Variants in ITSN2 observed in about 807,000 individuals in gnomAD.
ITSN2 encodes intersectin-2.
ITSN2 carries 156 observed loss-of-function variants against 243.7 expected under a neutral mutation model. The observed-to-expected ratio is 0.64, with a 90% confidence interval of 0.56 to 0.73. The LOEUF (loss-of-function observed/expected upper bound fraction) is 0.73, where lower values mean the gene tolerates loss of function less well. Among genes scored for constraint, ITSN2 ranks in the 30% least tolerant of loss-of-function variants. The pLI, the probability that ITSN2 is intolerant of heterozygous loss-of-function variation, is 0.00. For missense variants in ITSN2, 1,801 were observed against 1,996.1 expected (o/e 0.90, Z 1.86); for synonymous variants, 703 against 699.9 (o/e 1.00, Z -0.07).
intron 14 of ITSN2, among the ~76,000 whole-genome samples, chr2:24,294,955 G>A (rs1680747572): frequency 6.6e-6 from 1 of 152,188 alleles, no homozygotes; most frequent in Admixed American, 6.5e-5. Flanking sequence ...AAAGGAGACA[G>A]CAAGCCCTCA....
chr2:24,210,215 C>G (rs1363570824), intron 34 of ITSN2, 182 bp from the exon 35 acceptor site: 1 of 578,026 alleles, frequency 1.7e-6, no homozygotes, highest in Admixed American at 3.0e-5. Flanking sequence ...CCAAACTGGC[C>G]CAGTGAAAAT....
intron 30 of ITSN2, chr2:24,220,414 T>C (rs1670334862): frequency 2.0e-6 from 2 of 985,388 alleles, no homozygotes; most frequent in Admixed American, 1.2e-4. Flanking sequence ...TAGAGGTCAC[T>C]GGTATAAACA....
At position 24,248,867 on chromosome 2, in the gene ITSN2, T is replaced by C; in HGVS notation, c.3136A>G (p.Ser1046Gly). ...PKDQESFGSA[S>G]KSGASNKKPE... is the part of the protein sequence containing the mutation. ...TTTTTATTTGATGCTCCAGACTTGC[T>C]AGCACTCCCAAAACTCTACAAGGAA... The change falls in exon 26 of 40, where the codon AGC (serine) becomes GGC (glycine). Residue 1046 changes from serine (S) to glycine (G), a missense_variant. By Grantham distance (56) the Ser-to-Gly change is moderately conservative. Around this residue, in one of 5 missense-constraint regions of ITSN2, gnomAD observed 928 missense variants for 1,065.4 expected, o/e 0.87. Coordinates refer to ENST00000355123, the MANE Select transcript of ITSN2 (RefSeq NM_006277.3). 2 of 1,613,766 alleles carry C rather than the reference T, an allele frequency of 1.2e-6. No homozygotes were observed. The highest frequency in any genetic ancestry group is 8.5e-7 in the Non-Finnish European group (1 of 1,179,714).
At chr2:24,352,435 G>A (rs1425850725) in intron 1 of ITSN2, among the ~76,000 whole-genome samples, 2 of 152,040 alleles carry the variant, frequency 1.3e-5, no homozygotes, top group Non-Finnish European at 2.9e-5. Context: ...AAAAGGACAT[G>A]TTTTTCTCAC....
intron 37 of ITSN2, 113 bp from the exon 38 acceptor site, chr2:24,205,410 G>A: frequency 1.2e-6 from 1 of 823,724 alleles, no homozygotes; most frequent in Middle Eastern, 3.3e-4. Context: ...ACTGCCCTGG[G>A]CCCAACAGCC....
Position 24,346,609 on chromosome 2 carries a change from C to T in ITSN2, c.-34+13695G>A, listed in dbSNP as rs183545024. ...AATCAGTATTGTTCATTATTCCTAA[C>T]ATATGTACCATACTGATATAAGATA... On this transcript the variant is annotated intron_variant, in intron 1 of 39. Transcript: ENST00000355123. Among the ~76,000 whole-genome samples, 3 of 152,250 alleles carry T rather than the reference C, an allele frequency of 2.0e-5. No homozygotes were observed. In the South Asian group the frequency reaches 6.2e-4, roughly 32 times the overall value.
chr2:24,344,034 A>C (rs879450182), intron 1 of ITSN2, among the ~76,000 whole-genome samples: 6 of 152,180 alleles, frequency 3.9e-5, no homozygotes, highest in Non-Finnish European at 7.3e-5. Flanking sequence ...ATATAAACAA[A>C]CATGTTATTT....
chr2:24,210,419 C>T (rs1261255403), intron 34 of ITSN2: 3 of 283,642 alleles, frequency 1.1e-5, no homozygotes, highest in Non-Finnish European at 2.0e-5. Flanking sequence ...CAAGACCAGC[C>T]TGGCCAACAT....
At chr2:24,330,718 T>C (rs746688373) in intron 1 of ITSN2, 3 of 633,196 alleles carry the variant, frequency 4.7e-6, no homozygotes, top group Admixed American at 4.6e-5. Context: ...GTGACAGTAG[T>C]TTGAAATACT....
intron 1 of ITSN2, chr2:24,330,439 A>G (rs1274056443): frequency 9.4e-6 from 6 of 637,446 alleles, no homozygotes; most frequent in Non-Finnish European, 1.8e-5. Flanking sequence ...GCTAAAGGAG[A>G]TAAAGCCAAG....
At chr2:24,256,688 A>G (rs1675093718) in intron 23 of ITSN2, among the ~76,000 whole-genome samples, 1 of 152,198 alleles carries the variant, frequency 6.6e-6, no homozygotes, top group Non-Finnish European at 1.5e-5. Flanking sequence ...TCACTCAGCT[A>G]ATATGATTGA....
chr2:24,205,397 G>A, intron 37 of ITSN2, 100 bp from the exon 38 acceptor site: 1 of 981,466 alleles, frequency 1.0e-6, no homozygotes. Context: ...GTCCCCATCT[G>A]CCACTGCCCT....
Position 24,257,982 on chromosome 2 carries a change from C to T in ITSN2, c.2794G>A (p.Glu932Lys). 6.2e-7 allele frequency: 1 copy of T among 1,614,090 alleles called. No homozygotes were observed. The highest frequency in any genetic ancestry group is 1.1e-5 in the South Asian group (1 of 91,076). ...TGCACCTCCCCAAACCACCAATTTT[C>T]TTGCTGCTCCAAGACAGTAATAATG... Reference protein sequence around the residue: ...HDIITVLEQQENWWFGEVHGG... With the variant: ...HDIITVLEQQKNWWFGEVHGG... Residue 932 changes from glutamate (E) to lysine (K), a missense_variant, in exon 23 of 40, where the codon GAA (glutamate) becomes AAA (lysine). Around this residue, in one of 5 missense-constraint regions of ITSN2, gnomAD observed 928 missense variants for 1,065.4 expected, o/e 0.87. Transcript: ENST00000355123.
intron 4 of ITSN2, among the ~76,000 whole-genome samples, chr2:24,313,044 C>T (rs1008861661): frequency 6.7e-6 from 1 of 150,204 alleles, no homozygotes; most frequent in Non-Finnish European, 1.5e-5. Context: ...CAATAATTTG[C>T]TCAATAAAAT....
chr2:24,221,336 T>G (rs777405340), intron 29 of ITSN2: 7 of 366,000 alleles, frequency 1.9e-5, no homozygotes, highest in African/African-American at 4.4e-5. Context: ...GCAGAGCGTG[T>G]GAAGAATCTC....
At chr2:24,330,666 G>A in intron 1 of ITSN2, 1 of 724,560 alleles carries the variant, frequency 1.4e-6, no homozygotes, top group Admixed American at 1.7e-5. Flanking sequence ...TGCTGGAGAT[G>A]CCAAGTGAAG....
chr2:24,285,219 A>G (rs1043637282), intron 16 of ITSN2, among the ~76,000 whole-genome samples: 7 of 152,274 alleles, frequency 4.6e-5, no homozygotes, highest in African/African-American at 1.7e-4. Context: ...AAGAAATAAT[A>G]TAGGGAAGAT....
At position 24,356,874 on chromosome 2, in the gene ITSN2, G is replaced by C. The variant is rs145394965; in HGVS notation, c.-34+3430C>G. ...GTTGGGATCGCGCCATTGCACTCCA[G>C]ACTGGGCAACAAGAGTGAGACTCCG... is the stretch of plus-strand genomic sequence containing the variant. On this transcript the variant is annotated intron_variant, in intron 1 of 39. Coordinates refer to ENST00000355123, the MANE Select transcript of ITSN2 (RefSeq NM_006277.3). Among the ~76,000 whole-genome samples, 102 of 150,670 alleles carry C rather than the reference G, an allele frequency of 6.8e-4. 2 individuals carry two copies. The East Asian group carries it at 0.018, about 26-fold the overall frequency.
Position 24,310,308 on chromosome 2 carries a change from G to C in ITSN2, c.629C>G (p.Ser210Cys). 6.2e-7 allele frequency: 1 copy of C among 1,613,086 alleles called. No individual in the cohort carries two copies. The highest frequency in any genetic ancestry group is 8.5e-7 in the Non-Finnish European group (1 of 1,179,416). Reference sequence around the variant, plus strand: ...CCTACTAGATCCTAAATCAATCAGAGACTGCGCTTTCTGTATACTAGCACC... The same window carrying C: ...CCTACTAGATCCTAAATCAATCAGACACTGCGCTTTCTGTATACTAGCACC... The part of the protein sequence containing the change: ...FGGASIQKAQ[S>C]LIDLGSSSST... Residue 210 changes from serine to cysteine, a missense_variant, in exon 7 of 40, where the codon TCT (serine) becomes TGT (cysteine). This residue lies in a region of ITSN2 where 787 missense variants were observed against 803.9 expected (regional missense o/e 0.98). Transcript: ENST00000355123.
Sources: allele counts gnomAD v4.1 joint callset (sites outside exome capture counted in the v4.1 genomes callset), GRCh38; gene constraint gnomAD v4.1.1; regional missense constraint gnomAD v4.1.1; transcripts MANE v1.5; gene names NCBI Gene and HGNC (gene_info 2026-07-23, HGNC 2026-07-21).